ARID4B: variants seen among roughly 807,000 people sequenced by gnomAD.
The protein encoded by ARID4B is AT-rich interaction domain 4B, also known as AT-rich interactive domain-containing protein 4B.
A neutral mutation model predicts 147.5 loss-of-function variants in ARID4B; 26 were observed. The ratio of observed to expected loss-of-function variants is 0.18; its 90% confidence interval spans 0.13 to 0.24. The LOEUF (loss-of-function observed/expected upper bound fraction) is 0.24, where lower values mean the gene tolerates loss of function less well. Ranked by LOEUF, ARID4B falls within the 10% of genes least tolerant of loss-of-function variation. ARID4B has a pLI of 1.00. For synonymous variants in ARID4B, 512 were observed against 507.9 expected, an observed-to-expected ratio of 1.01 and a Z score of -0.11; for missense variants, 1,179 against 1,511.5, an observed-to-expected ratio of 0.78 and a Z score of 3.65.
At chr1:235,222,857 A>G (rs1293467655) in intron 13 of ARID4B, among the ~76,000 whole-genome samples, 1 of 151,612 alleles carries the variant, frequency 6.6e-6, no homozygotes, top group African/African-American at 2.4e-5. Flanking sequence ...TGATTTTTGT[A>G]TTCTTTGTAG....
chr1:235,310,752 C>T (rs376462734), intron 2 of ARID4B, among the ~76,000 whole-genome samples: 140 of 152,260 alleles, frequency 9.2e-4, no homozygotes, highest in African/African-American at 3.2e-3. Flanking sequence ...CCACTGCAGA[C>T]TTGACATCCT....
chr1:235,302,965 G>A (rs1241704753), intron 2 of ARID4B, among the ~76,000 whole-genome samples: 1 of 147,138 alleles, frequency 6.8e-6, no homozygotes, highest in Non-Finnish European at 1.5e-5. Flanking sequence ...TCGCTCTGTC[G>A]CCTAGGCTGG....
chr1:235,224,012 T>G (rs1243323595), intron 12 of ARID4B, among the ~76,000 whole-genome samples: 3 of 152,208 alleles, frequency 2.0e-5, no homozygotes, highest in Admixed American at 6.5e-5. Flanking sequence ...TATATTGTGT[T>G]AGGCGTTGTT....
intron 11 of ARID4B, among the ~76,000 whole-genome samples, chr1:235,226,990 A>T (rs566072861): frequency 2.0e-4 from 30 of 152,300 alleles, no homozygotes; most frequent in African/African-American, 7.2e-4. Context: ...AGTTTAGACT[A>T]GCAAATGAAC....
chr1:235,173,820 C>CTATA (rs1663640024), intron 22 of ARID4B, among the ~76,000 whole-genome samples: 1 of 40,896 alleles, frequency 2.4e-5, no homozygotes, highest in Non-Finnish European at 4.4e-5. Context: ...ATATGTATAC[C>CTATA]TAAAACATAT....
intron 2 of ARID4B, chr1:235,326,681 G>C (rs374604464): frequency 4.2e-5 from 23 of 544,372 alleles, no homozygotes; most frequent in East Asian, 2.8e-4. Flanking sequence ...CCTACAAAAA[G>C]AGATGTTCAA....
chr1:235,186,169 G>A lies in ARID4B; in HGVS notation c.2126-3376C>T, dbSNP rs149803296. Among the ~76,000 whole-genome samples the A allele has an allele frequency of 1.5e-3, 229 of 152,066 alleles. 1 individual carries two copies. The highest frequency in any genetic ancestry group is 5.3e-3 in the African/African-American group (218 of 41,488). ...ACTTTAGTAGAGACAGGGTTTCACC[G>A]TGTTAGCCAGGATGGTCTTGATTTC... On this transcript the variant is annotated intron_variant, in intron 19 of 23. Transcript: ENST00000264183.
intron 2 of ARID4B, among the ~76,000 whole-genome samples, chr1:235,279,080 C>T (rs1205421384): frequency 6.6e-6 from 1 of 152,108 alleles, no homozygotes; most frequent in African/African-American, 2.4e-5. Context: ...GCCAAGCCAA[C>T]ACCTGGAAAT....
intron 2 of ARID4B, among the ~76,000 whole-genome samples, chr1:235,314,804 T>A (rs1205429131): frequency 6.6e-6 from 1 of 152,088 alleles, no homozygotes; most frequent in Non-Finnish European, 1.5e-5. Context: ...TTATATATAT[T>A]TCGGTATATA....
chr1:235,189,719 T>G (rs1664953306), intron 19 of ARID4B, among the ~76,000 whole-genome samples: 1 of 149,164 alleles, frequency 6.7e-6, no homozygotes, highest in African/African-American at 2.5e-5. Context: ...CTGAACATAG[T>G]GAAACACAGT....
intron 20 of ARID4B, chr1:235,180,937 C>G (rs897682808): frequency 5.2e-6 from 1 of 192,500 alleles, no homozygotes; most frequent in South Asian, 1.8e-4. Flanking sequence ...GGGAAGGTAC[C>G]GATTTGAATT....
Position 235,181,734 on chromosome 1 carries a change from T to C in ARID4B, c.3185A>G (p.Lys1062Arg), listed in dbSNP as rs755278643. 66 of 1,614,054 alleles carry C rather than the reference T, an allele frequency of 4.1e-5. No homozygotes were observed. The highest frequency in any genetic ancestry group is 3.5e-4 in the South Asian group (32 of 91,078). ...APNQEEVRSI[K>R]SETDSTIEVD... ...CTCAATTGTGCTATCAGTTTCACTC[T>C]TGATACTTCGAACCTCTTCTTGGTT... The change falls in exon 20 of 24, where the codon AAG becomes AGG. Residue 1062 changes from lysine (K) to arginine (R), a missense_variant. Coordinates refer to ENST00000264183, the MANE Select transcript of ARID4B (RefSeq NM_016374.6).
chr1:235,242,204 C>T (rs986414947), intron 7 of ARID4B, among the ~76,000 whole-genome samples: 4 of 150,764 alleles, frequency 2.7e-5, no homozygotes, highest in South Asian at 2.1e-4. Context: ...GCCGATATCG[C>T]ACCACTGCAC....
chr1:235,317,203 A>G (rs540821483), intron 2 of ARID4B, among the ~76,000 whole-genome samples: 1 of 152,310 alleles, frequency 6.6e-6, no homozygotes, highest in African/African-American at 2.4e-5. Context: ...CTTTTTCTTT[A>G]ATGGTAAAAG....
At chr1:235,316,862 AC>A (rs1175345819) in intron 2 of ARID4B, among the ~76,000 whole-genome samples, 3 of 148,618 alleles carry the variant, frequency 2.0e-5, no homozygotes, top group Non-Finnish European at 4.5e-5. Context: ...ACATATACAT[AC>A]GTAAAACACA....
intron 2 of ARID4B, among the ~76,000 whole-genome samples, chr1:235,297,407 C>G (rs887503820): frequency 6.6e-6 from 1 of 152,118 alleles, no homozygotes; most frequent in African/African-American, 2.4e-5. Flanking sequence ...ATAGCCTCCA[C>G]TTCTAGATTT....
chr1:235,253,525 G>A (rs1669769912), intron 5 of ARID4B, among the ~76,000 whole-genome samples: 1 of 152,136 alleles, frequency 6.6e-6, no homozygotes, highest in East Asian at 1.9e-4. Flanking sequence ...TAAGCAACTT[G>A]GCTGCAGTAA....
At chr1:235,320,695 G>A (rs1490449032) in intron 2 of ARID4B, among the ~76,000 whole-genome samples, 1 of 152,002 alleles carries the variant, frequency 6.6e-6, no homozygotes, top group Non-Finnish European at 1.5e-5. Flanking sequence ...GACCCTCTCT[G>A]ACCTCCTCTC....
Position 235,213,932 on chromosome 1 carries a change from TGTC to T in ARID4B, c.1675_1677del (p.Asp559del). 6.2e-7 allele frequency: 1 copy of T among 1,613,138 alleles called. No homozygotes were observed. The highest frequency in any genetic ancestry group is 1.1e-5 in the South Asian group (1 of 91,056). On this transcript the variant is annotated inframe_deletion, in exon 17 of 24. Transcript: ENST00000264183. Reference sequence around the variant, plus strand: ...CACTCAAACTCCTCTTCCTCATTGTTGTCATCATCATCTTCATCCTCTTCTTCT... The same window carrying T: ...CACTCAAACTCCTCTTCCTCATTGTTATCATCATCTTCATCCTCTTCTTCT...
Sources: gnomAD v4.1 joint callset for allele counts (sites outside exome capture counted in the v4.1 genomes callset) on GRCh38, gnomAD v4.1.1 for gene constraint, MANE v1.5 for transcripts, NCBI Gene and HGNC (gene_info 2026-07-23, HGNC 2026-07-21) for gene names.